Variants in SLC15A5 observed in about 807,000 individuals in gnomAD.
SLC15A5 encodes solute carrier family 15 member 5, also known as Peptide/histidine transporter ENSP00000340402.
Under a neutral mutation model 56.1 loss-of-function variants are expected in SLC15A5, and 58 were observed. That is an observed-to-expected ratio of 1.03 (90% CI 0.84 to 1.29). SLC15A5 has a LOEUF of 1.29. Among genes scored for constraint, SLC15A5 ranks in the 50% most tolerant of loss-of-function variants. SLC15A5 has a pLI of 0.00. For missense variants in SLC15A5, 681 were observed against 672.1 expected (o/e 1.01, Z -0.15); for synonymous variants, 264 against 250.5 (o/e 1.05, Z -0.51).
At chr12:16,204,379 C>A (rs1293491626) in intron 7 of SLC15A5, among the ~76,000 whole-genome samples, 2 of 151,520 alleles carry the variant, frequency 1.3e-5, no homozygotes, top group African/African-American at 2.4e-5. Flanking sequence ...ATTGCTTGAA[C>A]CCGGGAGGCA....
chr12:16,267,155 C>T (rs1864705531), intron 2 of SLC15A5, among the ~76,000 whole-genome samples: 1 of 152,068 alleles, frequency 6.6e-6, no homozygotes, highest in Non-Finnish European at 1.5e-5. Context: ...AGAAAGAAGG[C>T]AAATTTTCTA....
At chr12:16,209,305 G>A (rs74594938) in intron 7 of SLC15A5, among the ~76,000 whole-genome samples, 3 of 151,620 alleles carry the variant, frequency 2.0e-5, no homozygotes, top group Admixed American at 1.3e-4. Context: ...TACATATATA[G>A]TTCCCTCCTT....
chr12:16,239,366 A>G (rs1322970748), intron 5 of SLC15A5, among the ~76,000 whole-genome samples: 1 of 152,202 alleles, frequency 6.6e-6, no homozygotes, highest in Non-Finnish European at 1.5e-5. Context: ...TTAAGAACCT[A>G]TTTGACATAG....
intron 7 of SLC15A5, among the ~76,000 whole-genome samples, 172 bp from the exon 8 acceptor site, chr12:16,194,625 A>T (rs1307039537): frequency 6.6e-6 from 1 of 152,100 alleles, no homozygotes; most frequent in Non-Finnish European, 1.5e-5. Flanking sequence ...TTAATAGTAA[A>T]ATGATAAGCA....
At chr12:16,231,581 A>G in intron 5 of SLC15A5, among the ~76,000 whole-genome samples, 1 of 152,170 alleles carries the variant, frequency 6.6e-6, no homozygotes, top group Non-Finnish European at 1.5e-5. Context: ...GGAAAACTGC[A>G]AGGACTGGTT....
At chr12:16,195,037 A>T (rs1259989540) in intron 7 of SLC15A5, among the ~76,000 whole-genome samples, 1 of 152,026 alleles carries the variant, frequency 6.6e-6, no homozygotes, top group Non-Finnish European at 1.5e-5. Flanking sequence ...TTTTCTTTTC[A>T]CCTAATAAGT....
At chr12:16,242,646 A>T (rs1237029023) in intron 4 of SLC15A5, among the ~76,000 whole-genome samples, 1 of 152,218 alleles carries the variant, frequency 6.6e-6, no homozygotes, top group Non-Finnish European at 1.5e-5. Flanking sequence ...GCACATCTAG[A>T]TTTGGTGATA....
chr12:16,245,322 A>T (rs1021469156), intron 3 of SLC15A5, among the ~76,000 whole-genome samples: 1 of 152,154 alleles, frequency 6.6e-6, no homozygotes, highest in Non-Finnish European at 1.5e-5. Context: ...ATAAGGTTAG[A>T]CTATGAACTC....
At chr12:16,201,012 A>C (rs1863949821) in intron 7 of SLC15A5, among the ~76,000 whole-genome samples, 1 of 152,150 alleles carries the variant, frequency 6.6e-6, no homozygotes, top group African/African-American at 2.4e-5. Context: ...ACAGATACAG[A>C]GGAGATAACA....
At chr12:16,241,681 G>A (rs1176105552) in intron 4 of SLC15A5, among the ~76,000 whole-genome samples, 2 of 152,148 alleles carry the variant, frequency 1.3e-5, no homozygotes, top group South Asian at 2.1e-4. Context: ...TGAATGATGT[G>A]TTTTAACAAA....
At position 16,239,854 on chromosome 12, in the gene SLC15A5, T is replaced by C. The variant is rs139219535; in HGVS notation, c.989A>G (p.Tyr330Cys). The change falls in exon 5 of 9, where the codon TAT (tyrosine) becomes TGT (cysteine). Residue 330 changes from tyrosine (Y) to cysteine (C), a missense_variant. Transcript: ENST00000344941. ...GTTGGAATTCATAGTTTGCAGATAA[T>C]ATCCTGAAGGAATCTGTATTCGAGA... Reference protein sequence around the residue: ...RMCIMQIPSGYYLQTMNSNLN... With the variant: ...RMCIMQIPSGCYLQTMNSNLN... The C allele has an allele frequency of 2.2e-3, 3,421 of 1,536,918 alleles. 4 individuals carry two copies. The highest frequency in any genetic ancestry group is 2.8e-3 in the Non-Finnish European group (3,171 of 1,146,728).
chr12:16,201,222 T>G (rs958058845), intron 7 of SLC15A5, among the ~76,000 whole-genome samples: 1 of 152,092 alleles, frequency 6.6e-6, no homozygotes, highest in Admixed American at 6.6e-5. Flanking sequence ...CTGACACTTT[T>G]CACAGAAATA....
chr12:16,259,583 A>G (rs1342128732), intron 2 of SLC15A5, among the ~76,000 whole-genome samples: 2 of 152,194 alleles, frequency 1.3e-5, no homozygotes, highest in African/African-American at 4.8e-5. Context: ...ATTGGGCATC[A>G]TATACTTGCT....
intron 1 of SLC15A5, among the ~76,000 whole-genome samples, chr12:16,275,335 G>A (rs918456172): frequency 1.3e-5 from 2 of 152,056 alleles, no homozygotes; most frequent in Non-Finnish European, 2.9e-5. Flanking sequence ...TTGGGGTTGC[G>A]TGTTGAACAA....
At chr12:16,268,416 A>G (rs893168143) in intron 2 of SLC15A5, among the ~76,000 whole-genome samples, 2 of 152,176 alleles carry the variant, frequency 1.3e-5, no homozygotes, top group Non-Finnish European at 2.9e-5. Flanking sequence ...TGCAAATAGA[A>G]TTTGGGAAGG....
At chr12:16,217,145 T>A in intron 6 of SLC15A5, 121 bp from the exon 7 acceptor site, 1 of 1,051,914 alleles carries the variant, frequency 9.5e-7, no homozygotes, top group East Asian at 2.6e-5. Flanking sequence ...AAAATTTGGG[T>A]TGGACTTTGT....
chr12:16,248,889 AAC>A (rs1447232737), intron 3 of SLC15A5, among the ~76,000 whole-genome samples: 1 of 152,146 alleles, frequency 6.6e-6, no homozygotes, highest in Non-Finnish European at 1.5e-5. Context: ...GTGCATGGCA[AAC>A]ACACCAGGCG....
chr12:16,207,994 C>A (rs1864038075), intron 7 of SLC15A5, among the ~76,000 whole-genome samples: 1 of 152,112 alleles, frequency 6.6e-6, no homozygotes, highest in African/African-American at 2.4e-5. Context: ...ATCATCTTTT[C>A]ATACCTTCAT....
At position 16,269,755 on chromosome 12, in the gene SLC15A5, G is replaced by C. The variant is rs892163621; in HGVS notation, c.584+2806C>G. Among the ~76,000 whole-genome samples the C allele has an allele frequency of 2.6e-5, 4 of 152,260 alleles. No homozygotes were observed. The highest frequency in any genetic ancestry group is 9.6e-5 in the African/African-American group (4 of 41,548). The stretch of plus-strand genomic sequence containing the variant: ...TTAATCATGTATATAATTCACCCTA[G>C]TAACCCCTTAGCAACAGACTGTGAT... On this transcript the variant is annotated intron_variant, in intron 2 of 8. Transcript: ENST00000344941. The surrounding 1 kb of genome is among the most constrained non-coding windows in gnomAD (Gnocchi z 4.7).
Sources: allele counts gnomAD v4.1 joint callset (sites outside exome capture counted in the v4.1 genomes callset), GRCh38; gene constraint gnomAD v4.1.1; non-coding constraint Gnocchi (gnomAD v3.1); transcripts MANE v1.5; gene names NCBI Gene and HGNC (gene_info 2026-07-23, HGNC 2026-07-21).